PLCE1: variants seen among roughly 807,000 people sequenced by gnomAD.
PLCE1 encodes the protein phospholipase C epsilon 1.
A neutral mutation model predicts 242.8 loss-of-function variants in PLCE1; 119 were observed. The observed-to-expected ratio is 0.49, with a 90% CI of 0.42 to 0.57. PLCE1 has a LOEUF of 0.57. Ranked by LOEUF, PLCE1 falls within the 20% of genes least tolerant of loss-of-function variation. PLCE1 has a pLI of 0.00. For missense variants in PLCE1, 2,441 were observed against 2,788.8 expected (o/e 0.88, Z 2.81); for synonymous variants, 945 against 1,017.4 (o/e 0.93, Z 1.35).
At chr10:94,221,458 C>G (rs931148980) in intron 4 of PLCE1, among the ~76,000 whole-genome samples, 7 of 152,180 alleles carry the variant, frequency 4.6e-5, no homozygotes, top group African/African-American at 1.4e-4. Context: ...TTGTCATAGC[C>G]GGGTTCAGTG....
At chr10:94,273,817 T>C (rs1219245397) in intron 19 of PLCE1, 97 bp downstream of exon 19, 5 of 1,162,588 alleles carry the variant, frequency 4.3e-6, no homozygotes, top group African/African-American at 1.5e-5. Flanking sequence ...GCTGGTTTAC[T>C]AGTTTTTCAA....
intron 14 of PLCE1, 42 bp from the exon 15 acceptor site, chr10:94,265,605 T>C (rs1197941635): frequency 6.4e-7 from 1 of 1,557,708 alleles, no homozygotes; most frequent in East Asian, 2.2e-5. Flanking sequence ...CCCTCTTAGT[T>C]TCCTTAACCT....
chr10:94,290,455 A>T (rs1369963039), intron 22 of PLCE1, among the ~76,000 whole-genome samples: 2 of 145,218 alleles, frequency 1.4e-5, no homozygotes, highest in Admixed American at 6.9e-5. Flanking sequence ...TTTACTTTTT[A>T]AACTTTTTTA....
intron 20 of PLCE1, among the ~76,000 whole-genome samples, chr10:94,281,864 A>G (rs1297174916): frequency 2.0e-5 from 3 of 151,944 alleles, no homozygotes; most frequent in Non-Finnish European, 4.4e-5. Context: ...TGTGACTATT[A>G]GATGCCTTAC....
At chr10:94,027,860 T>C (rs1296228290) in intron 1 of PLCE1, among the ~76,000 whole-genome samples, 2 of 151,010 alleles carry the variant, frequency 1.3e-5, no homozygotes, top group African/African-American at 4.9e-5. Context: ...AGATAAAAAA[T>C]AAAAAATGAA....
At chr10:94,135,208 A>G (rs1403166925) in intron 3 of PLCE1, among the ~76,000 whole-genome samples, 1 of 152,246 alleles carries the variant, frequency 6.6e-6, no homozygotes, top group Non-Finnish European at 1.5e-5. Context: ...ATGTATACAT[A>G]TTACAAAACA....
intron 4 of PLCE1, among the ~76,000 whole-genome samples, chr10:94,203,643 T>C (rs2049049878): frequency 6.6e-6 from 1 of 152,170 alleles, no homozygotes; most frequent in African/African-American, 2.4e-5. Flanking sequence ...AATTCCTGAA[T>C]GGATTAGATA....
Position 94,238,382 on chromosome 10 carries a change from G to A in PLCE1, c.2420+2262G>A, listed in dbSNP as rs894246924. On this transcript the variant is annotated intron_variant, in intron 7 of 32. Coordinates refer to ENST00000371380, the MANE Select transcript of PLCE1 (RefSeq NM_016341.4). ...TTCTGTACAGATGAAGTTGTGCCTA[G>A]CGAGCTGAAGTCGCTTGTCTGACTA... Among the ~76,000 whole-genome samples, 4 of 152,362 alleles carry A rather than the reference G, an allele frequency of 2.6e-5. No homozygotes were observed. The East Asian group carries it at 5.8e-4, about 22-fold the overall frequency.
chr10:94,158,779 A>T, intron 3 of PLCE1, among the ~76,000 whole-genome samples: 1 of 151,854 alleles, frequency 6.6e-6, no homozygotes, highest in Admixed American at 6.6e-5. Context: ...AAAAATATGA[A>T]ATGTAACAAC....
intron 1 of PLCE1, among the ~76,000 whole-genome samples, chr10:94,008,741 G>A (rs2061102491): frequency 6.6e-6 from 1 of 152,166 alleles, no homozygotes; most frequent in Non-Finnish European, 1.5e-5. Context: ...GAATACTTTG[G>A]TAAATAGTCA....
Position 94,031,369 on chromosome 10 carries a change from A to G in PLCE1, c.323A>G (p.Asn108Ser), listed in dbSNP as rs886047493. The change falls in exon 2 of 33, where the codon AAC (asparagine) becomes AGC (serine). Residue 108 changes from asparagine to serine, a missense_variant. By Grantham distance (46) the Asn-to-Ser change is conservative (BLOSUM62 1). Coordinates refer to ENST00000371380, the MANE Select transcript of PLCE1 (RefSeq NM_016341.4). Reference protein sequence around the residue: ...SAKNLNINCNNILRNHQHGLP... With the variant: ...SAKNLNINCNSILRNHQHGLP... ...AAAAACCTTAACATTAACTGCAACA[A>G]CATATTGAGAAACCATCAGCATGGC... The G allele has an allele frequency of 4.3e-6, 7 of 1,613,780 alleles. No homozygotes were observed. Among genetic ancestry groups the G allele is most frequent in the Non-Finnish European group, 5.9e-6 (7 of 1,179,868 alleles).
chr10:94,167,255 GAC>G (rs1180644032), intron 3 of PLCE1, among the ~76,000 whole-genome samples: 2 of 151,878 alleles, frequency 1.3e-5, no homozygotes, highest in Non-Finnish European at 2.9e-5. Flanking sequence ...CAGCCTGGAT[GAC>G]ATAGCAAGAC....
Position 94,324,554 on chromosome 10 carries a change from A to G in PLCE1, c.6707A>G (p.Lys2236Arg), listed in dbSNP as rs2053938809. 6.2e-7 allele frequency: 1 copy of G among 1,613,480 alleles called. No homozygotes were observed. Among genetic ancestry groups the G allele is most frequent in the Non-Finnish European group, 8.5e-7 (1 of 1,179,360 alleles). ...GCAGGAAAATTCATCCTTAAGCTAAAGGAGCAGGTGCAGGTAAAGTTTAAA... is the reference window on the plus strand; with the variant it reads ...GCAGGAAAATTCATCCTTAAGCTAAGGGAGCAGGTGCAGGTAAAGTTTAAA... ...KGAGKFILKL[K>R]EQVQASREDK... The change falls in exon 31 of 33, where the codon AAG becomes AGG. Residue 2236 changes from lysine (K) to arginine (R), a missense_variant. Lys to Arg is a conservative substitution (Grantham distance 26, BLOSUM62 2). Around this residue, in one of 5 missense-constraint regions of PLCE1, gnomAD observed 310 missense variants for 317.2 expected, o/e 0.98. Transcript: ENST00000371380.
intron 14 of PLCE1, 66 bp from the exon 15 acceptor site, chr10:94,265,581 G>A (rs2133062805): frequency 7.8e-7 from 1 of 1,279,966 alleles, no homozygotes; most frequent in East Asian, 2.3e-5. Context: ...AAAATGATGT[G>A]GTGGTTTCTT....
intron 1 of PLCE1, among the ~76,000 whole-genome samples, chr10:94,027,636 A>G (rs1249424496): frequency 6.6e-6 from 1 of 152,150 alleles, no homozygotes; most frequent in Non-Finnish European, 1.5e-5. Context: ...CCTGGCTAAC[A>G]TGGTGAAACC....
chr10:94,151,906 C>G (rs2047286870), intron 3 of PLCE1, among the ~76,000 whole-genome samples: 1 of 152,164 alleles, frequency 6.6e-6, no homozygotes, highest in South Asian at 2.1e-4. Flanking sequence ...TCACTAGACA[C>G]TTTGGCATAG....
chr10:94,096,577 C>T (rs2045320226), intron 2 of PLCE1: 1 of 152,134 alleles, frequency 6.6e-6, no homozygotes, highest in Admixed American at 6.5e-5. Flanking sequence ...GATTCAATTA[C>T]CTCCCACCAG....
At position 94,324,484 on chromosome 10, in the gene PLCE1, C is replaced by T; in HGVS notation, c.6637C>T (p.Leu2213=). ...ACCAAAGTCCTCTCAGCGGGTCCTT[C>T]TGGATCAGGAGTGTGTGTTTCAAGC... The part of the protein sequence containing the change: ...TTPKSSQRVL[L]DQECVFQAQS... Residue 2213 remains leucine, a synonymous_variant, in exon 31 of 33, where the codon CTG becomes TTG. Coordinates refer to ENST00000371380, the MANE Select transcript of PLCE1 (RefSeq NM_016341.4). The T allele has an allele frequency of 2.5e-6, 4 of 1,614,160 alleles. No individual in the cohort carries two copies. The highest frequency in any genetic ancestry group is 3.4e-6 in the Non-Finnish European group (4 of 1,180,026).
intron 2 of PLCE1, among the ~76,000 whole-genome samples, chr10:94,071,819 A>G (rs1446273091): frequency 6.6e-6 from 1 of 151,422 alleles, no homozygotes; most frequent in East Asian, 1.9e-4. Flanking sequence ...TTTCCCCCTC[A>G]GTGCTCCCCT....
Sources: allele counts gnomAD v4.1 joint callset (sites outside exome capture counted in the v4.1 genomes callset), GRCh38; gene constraint gnomAD v4.1.1; regional missense constraint gnomAD v4.1.1; transcripts MANE v1.5; gene names NCBI Gene and HGNC (gene_info 2026-07-23, HGNC 2026-07-21).